The following PIK3C2G variants were observed in gnomAD, a reference collection of about 807,000 sequenced individuals.
PIK3C2G encodes the protein phosphatidylinositol-4-phosphate 3-kinase catalytic subunit type 2 gamma.
PIK3C2G carries 168 observed loss-of-function variants against 181.1 expected under a neutral mutation model. That is an observed-to-expected ratio of 0.93 (90% CI 0.82 to 1.05). The LOEUF (loss-of-function observed/expected upper bound fraction) is 1.05, where lower values mean the gene tolerates loss of function less well. Ranked by LOEUF, PIK3C2G falls within the 50% of genes least tolerant of loss-of-function variation. PIK3C2G has a pLI of 0.00. For missense variants in PIK3C2G, 1,869 were observed against 1,732.8 expected (o/e 1.08, Z -1.40); for synonymous variants, 573 against 592.2 (o/e 0.97, Z 0.47).
chr12:18,665,862 T>C, the PIK3C2G span, among the ~76,000 whole-genome samples: 8 of 149,574 alleles, frequency 5.3e-5, no homozygotes, highest in East Asian at 5.9e-4. Context: ...TTGAACCCAG[T>C]AGGCAGAGGT....
chr12:18,469,893 CA>C (rs1284134040), intron 18 of PIK3C2G, among the ~76,000 whole-genome samples: 3 of 146,632 alleles, frequency 2.0e-5, no homozygotes, highest in African/African-American at 7.5e-5. Context: ...TGTGGTAAAA[CA>C]AAATGCAGCC....
chr12:18,294,699 A>G (rs963069342), intron 5 of PIK3C2G, among the ~76,000 whole-genome samples: 1 of 152,026 alleles, frequency 6.6e-6, no homozygotes, highest in African/African-American at 2.4e-5. Context: ...CAGCTTTAAG[A>G]AAATAAATAT....
chr12:18,295,560 G>C (rs2058752705), intron 5 of PIK3C2G, among the ~76,000 whole-genome samples: 1 of 149,042 alleles, frequency 6.7e-6, no homozygotes, highest in African/African-American at 2.6e-5. Flanking sequence ...GTTTTAAATA[G>C]GTAAATTATT....
chr12:18,287,679 G>C (rs990198843), intron 3 of PIK3C2G, among the ~76,000 whole-genome samples: 3 of 141,640 alleles, frequency 2.1e-5, no homozygotes, highest in Admixed American at 7.1e-5. Flanking sequence ...AAAGTGGTGA[G>C]ACCCTGTCTC....
intron 24 of PIK3C2G, among the ~76,000 whole-genome samples, chr12:18,507,892 C>A (rs1941943289): frequency 6.6e-6 from 1 of 152,184 alleles, no homozygotes. Flanking sequence ...TATCAAGCTC[C>A]AGTTTAGCTG....
chr12:18,555,033 G>A (rs558432948), intron 26 of PIK3C2G, among the ~76,000 whole-genome samples: 1 of 152,210 alleles, frequency 6.6e-6, no homozygotes, highest in East Asian at 1.9e-4. Flanking sequence ...TATATATTAT[G>A]AACTTACAGT....
intron 1 of PIK3C2G, among the ~76,000 whole-genome samples, chr12:18,274,692 C>T (rs570749210): frequency 2.3e-3 from 357 of 152,168 alleles, no homozygotes; most frequent in African/African-American, 8.3e-3. Context: ...TTAGGAGATA[C>T]ACCTAATGCT....
At chr12:18,580,144 AAGAG>A (rs1371291413) in intron 29 of PIK3C2G, among the ~76,000 whole-genome samples, 5 of 151,060 alleles carry the variant, frequency 3.3e-5, no homozygotes, top group African/African-American at 9.7e-5. Context: ...AAAAAAAAAA[AAGAG>A]AGAGAGAGAG....
chr12:18,647,392 C>T (rs920015695), intron 32 of PIK3C2G, among the ~76,000 whole-genome samples: 7 of 151,390 alleles, frequency 4.6e-5, no homozygotes, highest in Non-Finnish European at 7.4e-5. Flanking sequence ...GCCCAAACCA[C>T]AGCATCATGC....
chr12:18,713,662 A>G, the PIK3C2G span: 1 of 152,314 alleles, frequency 6.6e-6, no homozygotes, highest in East Asian at 1.9e-4. Flanking sequence ...GTTTATGCAA[A>G]GGAAGCCTGG....
chr12:18,619,951 C>A (rs982534282), intron 31 of PIK3C2G, among the ~76,000 whole-genome samples: 5 of 152,028 alleles, frequency 3.3e-5, no homozygotes, highest in African/African-American at 1.2e-4. Context: ...TTCTCCATCT[C>A]CTGACCTCGT....
chr12:18,592,982 A>C (rs1001287251), intron 29 of PIK3C2G, among the ~76,000 whole-genome samples: 5 of 151,930 alleles, frequency 3.3e-5, no homozygotes, highest in African/African-American at 1.2e-4. Context: ...GTCTGATATA[A>C]AGATGTCTGT....
chr12:18,650,899 A>G (rs1188839016), downstream of PIK3C2G, among the ~76,000 whole-genome samples: 1 of 151,396 alleles, frequency 6.6e-6, no homozygotes, highest in African/African-American at 2.4e-5. Flanking sequence ...TGGATTATAT[A>G]ATTGCCTTCT....
intron 3 of PIK3C2G, among the ~76,000 whole-genome samples, chr12:18,287,581 C>T (rs1037854299): frequency 1.2e-4 from 19 of 152,102 alleles, no homozygotes; most frequent in African/African-American, 3.9e-4. Context: ...TTCAGTTGGG[C>T]GCGGTAGCTC....
chr12:18,311,153 C>T lies in PIK3C2G; in HGVS notation c.1035-2809C>T, dbSNP rs116544286. Among the ~76,000 whole-genome samples, 699 of 151,800 alleles carry T rather than the reference C, an allele frequency of 4.6e-3. 4 individuals are homozygous for T. The highest frequency in any genetic ancestry group is 0.016 in the African/African-American group (665 of 41,420). On this transcript the variant is annotated intron_variant, in intron 5 of 32. Transcript: ENST00000538779. ...AAGACTGTTTCAACATCTGTTATTA[C>T]CCCAAATCTGATAATTATGGTGCCA... is the stretch of plus-strand genomic sequence containing the variant.
At position 18,503,334 on chromosome 12, in the gene PIK3C2G, T is replaced by C. The variant is rs1311427945; in HGVS notation, c.3070T>C (p.Ser1024Pro). The change falls in exon 23 of 33, where the codon TCT (serine) becomes CCT (proline). Residue 1024 changes from serine to proline, a missense_variant. Physicochemically the swap from Ser to Pro is moderately conservative, Grantham distance 74. Transcript: ENST00000538779. ...GACCCTAGCAAAGATTCATCGCCAT[T>C]CTGGACTGATAGGACCATTGAAAGA... is the stretch of plus-strand genomic sequence containing the variant. ...AVTLAKIHRH[S>P]GLIGPLKENT... The C allele has an allele frequency of 6.2e-7, 1 of 1,611,870 alleles. No individual in the cohort carries two copies. Among genetic ancestry groups the C allele is most frequent in the Non-Finnish European group, 8.5e-7 (1 of 1,178,278 alleles).
chr12:18,463,395 G>A (rs1220936439), intron 18 of PIK3C2G, among the ~76,000 whole-genome samples: 1 of 152,118 alleles, frequency 6.6e-6, no homozygotes, highest in Non-Finnish European at 1.5e-5. Context: ...AATATAAATT[G>A]TTAGACTCCT....
chr12:18,310,400 T>G (rs971827369), intron 5 of PIK3C2G, among the ~76,000 whole-genome samples: 1 of 151,904 alleles, frequency 6.6e-6, no homozygotes, highest in Non-Finnish European at 1.5e-5. Context: ...GAAATCTGTC[T>G]TCTTTATAAT....
the PIK3C2G span, among the ~76,000 whole-genome samples, chr12:18,717,516 GT>G: frequency 6.6e-6 from 1 of 152,040 alleles, no homozygotes. Flanking sequence ...TTCCAATTCT[GT>G]TTTTCCAGTC....
Sources: allele counts gnomAD v4.1 joint callset (sites outside exome capture counted in the v4.1 genomes callset), GRCh38; gene constraint gnomAD v4.1.1; transcripts MANE v1.5; gene names NCBI Gene and HGNC (gene_info 2026-07-23, HGNC 2026-07-21).